KLRB1: variants seen among roughly 807,000 people sequenced by gnomAD.
KLRB1 encodes killer cell lectin like receptor B1, also known as killer cell lectin-like receptor subfamily B member 1.
KLRB1 carries 27 observed loss-of-function variants against 33.5 expected under a neutral mutation model. The observed-to-expected ratio is 0.81, with a 90% CI of 0.59 to 1.11. KLRB1 has a LOEUF of 1.11. Ranked by LOEUF, KLRB1 falls within the 50% of genes most tolerant of loss-of-function variation. The probability of loss-of-function intolerance (pLI) is 0.00; values close to 1 mark genes in which losing one functional copy is unlikely to be tolerated. For missense variants in KLRB1, 241 were observed against 254.1 expected, an observed-to-expected ratio of 0.95 and a Z score of 0.35; for synonymous variants, 64 against 88.9, an observed-to-expected ratio of 0.72 and a Z score of 1.58.
chr12:9,600,350 A>C (rs1011124069), intron 2 of KLRB1, among the ~76,000 whole-genome samples: 14 of 152,196 alleles, frequency 9.2e-5, no homozygotes, highest in Non-Finnish European at 1.8e-4. Context: ...TAGGAAGACA[A>C]ATATGAAAGG....
chr12:9,598,859 A>G (rs561959652), intron 3 of KLRB1, among the ~76,000 whole-genome samples: 12 of 152,200 alleles, frequency 7.9e-5, no homozygotes, highest in Non-Finnish European at 1.8e-4. Flanking sequence ...GTGACCAGTT[A>G]TCTTGAGCAT....
chr12:9,601,366 T>C (rs1864539387), intron 2 of KLRB1, 135 bp downstream of exon 2: 1 of 582,616 alleles, frequency 1.7e-6, no homozygotes, highest in African/African-American at 1.9e-5. Flanking sequence ...GTCTTTTTCT[T>C]TTCCAAATCT....
Sources: gnomAD v4.1 joint callset for allele counts (sites outside exome capture counted in the v4.1 genomes callset) on GRCh38, gnomAD v4.1.1 for gene constraint, MANE v1.5 for transcripts, NCBI Gene and HGNC (gene_info 2026-07-23, HGNC 2026-07-21) for gene names.